CCDC85A: variants seen among roughly 807,000 people sequenced by gnomAD.
CCDC85A encodes coiled-coil domain-containing protein 85A.
CCDC85A carries 38 observed loss-of-function variants against 50.2 expected under a neutral mutation model. The ratio of observed to expected loss-of-function variants is 0.76; its 90% confidence interval spans 0.58 to 0.99. CCDC85A has a LOEUF of 0.99. Among genes scored for constraint, CCDC85A ranks in the 50% least tolerant of loss-of-function variants. The pLI, the probability that CCDC85A is intolerant of heterozygous loss-of-function variation, is 0.00. For synonymous variants in CCDC85A, 366 were observed against 301.4 expected (o/e 1.21, Z -2.22); for missense variants, 820 against 742.0 (o/e 1.11, Z -1.22).
chr2:56,203,906 C>T (rs557839091), intron 2 of CCDC85A, among the ~76,000 whole-genome samples: 17 of 152,224 alleles, frequency 1.1e-4, no homozygotes, highest in Admixed American at 6.5e-4. Flanking sequence ...TGATGTGATA[C>T]ACCAACTTCC....
intron 2 of CCDC85A, among the ~76,000 whole-genome samples, chr2:56,327,325 G>T (rs1673526353): frequency 6.6e-6 from 1 of 152,084 alleles, no homozygotes; most frequent in African/African-American, 2.4e-5. Flanking sequence ...ACCCAATGAT[G>T]CTAATATGCC....
At position 56,193,273 on chromosome 2, in the gene CCDC85A, G is replaced by GC; in HGVS notation, c.1076dup (p.Glu360GlyfsTer12). 6.2e-7 allele frequency: 1 copy of GC among 1,613,976 alleles called. No homozygotes were observed. Among genetic ancestry groups the GC allele is most frequent in the Non-Finnish European group, 8.5e-7 (1 of 1,179,870 alleles). On this transcript the variant is annotated frameshift_variant, in exon 2 of 6. Transcript: ENST00000407595. LOFTEE classifies it high-confidence loss of function. ...CATCTCCCCAGAGCCAGGGGCACCAGCCCGGAGCACCTCAAACAACATTAT... is the reference window on the plus strand; with the variant it reads ...CATCTCCCCAGAGCCAGGGGCACCAGCCCCGGAGCACCTCAAACAACATTAT...
At chr2:56,229,601 G>C (rs6545561) in intron 2 of CCDC85A, among the ~76,000 whole-genome samples, 1 of 152,102 alleles carries the variant, frequency 6.6e-6, no homozygotes, top group East Asian at 1.9e-4. Context: ...GGAGAGGCAT[G>C]CTTGGTGGTA....
intron 2 of CCDC85A, among the ~76,000 whole-genome samples, chr2:56,244,335 A>T (rs980546289): frequency 6.6e-6 from 1 of 152,042 alleles, no homozygotes; most frequent in Admixed American, 6.5e-5. Flanking sequence ...ATCACTGCCT[A>T]TGCCTACCAC....
At chr2:56,326,266 GAA>G (rs1673466828) in intron 2 of CCDC85A, among the ~76,000 whole-genome samples, 1 of 152,100 alleles carries the variant, frequency 6.6e-6, no homozygotes, top group Non-Finnish European at 1.5e-5. Flanking sequence ...ATAGGGATAA[GAA>G]TATTTGCCTC....
intron 3 of CCDC85A, among the ~76,000 whole-genome samples, chr2:56,352,603 C>T (rs1044513390): frequency 6.6e-6 from 1 of 152,180 alleles, no homozygotes; most frequent in African/African-American, 2.4e-5. Context: ...CCCTTGGCCT[C>T]CCAAAGTGCT....
intron 2 of CCDC85A, among the ~76,000 whole-genome samples, chr2:56,228,135 C>G (rs1410191152): frequency 6.6e-6 from 1 of 152,172 alleles, no homozygotes; most frequent in African/African-American, 2.4e-5. Context: ...GTGAAGTCAG[C>G]CAGTCCAGCA....
intron 2 of CCDC85A, among the ~76,000 whole-genome samples, chr2:56,232,880 G>A (rs1668834819): frequency 6.6e-6 from 1 of 151,958 alleles, no homozygotes; most frequent in Non-Finnish European, 1.5e-5. Flanking sequence ...TATATAACGG[G>A]TCACATTGGA....
At chr2:56,243,230 G>C (rs1050372727) in intron 2 of CCDC85A, among the ~76,000 whole-genome samples, 1 of 151,866 alleles carries the variant, frequency 6.6e-6, no homozygotes, top group African/African-American at 2.4e-5. Context: ...TTCTACCCCT[G>C]TTTCTTTCTG....
chr2:56,330,429 C>G (rs60766485), intron 2 of CCDC85A, among the ~76,000 whole-genome samples: 2 of 152,160 alleles, frequency 1.3e-5, no homozygotes, highest in African/African-American at 4.8e-5. Context: ...TTAACTGCAT[C>G]TTGAATAATT....
intron 2 of CCDC85A, among the ~76,000 whole-genome samples, chr2:56,309,604 G>A (rs1258062004): frequency 6.6e-6 from 1 of 152,194 alleles, no homozygotes; most frequent in East Asian, 1.9e-4. Context: ...GGACAGATAA[G>A]TAAACTGGGG....
At chr2:56,219,288 A>T in intron 2 of CCDC85A, among the ~76,000 whole-genome samples, 1 of 150,068 alleles carries the variant, frequency 6.7e-6, no homozygotes, top group East Asian at 2.0e-4. Flanking sequence ...CTGCAGTATA[A>T]TCATGGAGAA....
At chr2:56,266,583 C>CCG (rs1553402000) in intron 2 of CCDC85A, among the ~76,000 whole-genome samples, 2 of 130,086 alleles carry the variant, frequency 1.5e-5, no homozygotes, top group African/African-American at 2.7e-5. Flanking sequence ...AACGCGCCCC[C>CCG]CCCCCCCATA....
chr2:56,371,764 AT>A (rs1205586425), intron 3 of CCDC85A, among the ~76,000 whole-genome samples: 2 of 152,114 alleles, frequency 1.3e-5, no homozygotes, highest in African/African-American at 4.8e-5. Context: ...TTTGATGATT[AT>A]GTAGATTTTT....
intron 2 of CCDC85A, among the ~76,000 whole-genome samples, chr2:56,274,785 G>A (rs529099141): frequency 6.6e-6 from 1 of 152,086 alleles, no homozygotes; most frequent in Non-Finnish European, 1.5e-5. Flanking sequence ...GACTGTGGGG[G>A]TTAAATAACA....
chr2:56,303,401 T>G (rs1218108631), intron 2 of CCDC85A, among the ~76,000 whole-genome samples: 5 of 152,176 alleles, frequency 3.3e-5, no homozygotes, highest in African/African-American at 1.2e-4. Flanking sequence ...TATTCTCAAT[T>G]CCTGGCACAG....
chr2:56,318,200 C>T (rs981089457), intron 2 of CCDC85A, among the ~76,000 whole-genome samples: 1 of 152,046 alleles, frequency 6.6e-6, no homozygotes, highest in Non-Finnish European at 1.5e-5. Flanking sequence ...ATTGTGTTCT[C>T]TATTTAAAAA....
intron 2 of CCDC85A, among the ~76,000 whole-genome samples, chr2:56,249,308 A>G (rs2103987432): frequency 6.6e-6 from 1 of 152,312 alleles, no homozygotes; most frequent in Middle Eastern, 3.4e-3. Context: ...AAGAGGAGGA[A>G]ACTCCCTTTA....
At chr2:56,333,506 T>A (rs1673917644) in intron 2 of CCDC85A, among the ~76,000 whole-genome samples, 1 of 152,084 alleles carries the variant, frequency 6.6e-6, no homozygotes, top group South Asian at 2.1e-4. Context: ...TGGCCTTAAT[T>A]TGGAGCAAAA....
Sources: allele counts gnomAD v4.1 joint callset (sites outside exome capture counted in the v4.1 genomes callset), GRCh38; gene constraint gnomAD v4.1.1; transcripts MANE v1.5; gene names NCBI Gene and HGNC (gene_info 2026-07-23, HGNC 2026-07-21).